The following EDARADD variants were observed in gnomAD, a reference collection of about 807,000 sequenced individuals.
EDARADD encodes the protein ectodysplasin-A receptor-associated adapter protein.
A neutral mutation model predicts 25.6 loss-of-function variants in EDARADD; 20 were observed. The ratio of observed to expected loss-of-function variants is 0.78; its 90% CI spans 0.55 to 1.14. The LOEUF (loss-of-function observed/expected upper bound fraction) is 1.14. Ranked by LOEUF, EDARADD falls within the 50% of genes most tolerant of loss-of-function variation. The pLI, the probability that EDARADD is intolerant of heterozygous loss-of-function variation, is 0.00. For synonymous variants in EDARADD, 86 were observed against 94.4 expected (o/e 0.91, Z 0.52); for missense variants, 225 against 270.1 (o/e 0.83, Z 1.17).
upstream of EDARADD, among the ~76,000 whole-genome samples, chr1:236,392,215 C>T (rs75556388): frequency 9.7e-3 from 1,470 of 152,024 alleles, 10 homozygotes; most frequent in Middle Eastern, 0.021. Context: ...TGGTTGACTT[C>T]TTATAACTAA....
intron 3 of EDARADD, among the ~76,000 whole-genome samples, chr1:236,361,957 T>C (rs1031141982): frequency 1.3e-5 from 2 of 152,070 alleles, no homozygotes; most frequent in Admixed American, 1.3e-4. Context: ...ATGGTAGACG[T>C]ATGTTTAACA....
chr1:236,455,821 G>C (rs541636187), intron 4 of EDARADD, among the ~76,000 whole-genome samples: 1 of 152,130 alleles, frequency 6.6e-6, no homozygotes, highest in Non-Finnish European at 1.5e-5. Flanking sequence ...ACGGAGTCTC[G>C]CTCTGTCACC....
At chr1:236,429,615 C>T (rs532619434) in intron 4 of EDARADD, among the ~76,000 whole-genome samples, 10 of 151,386 alleles carry the variant, frequency 6.6e-5, no homozygotes, top group Non-Finnish European at 1.2e-4. Context: ...GAACTCTTGG[C>T]CTCAAGTGAT....
intron 3 of EDARADD, among the ~76,000 whole-genome samples, chr1:236,387,131 G>A (rs1276198961): frequency 4.1e-5 from 1 of 24,228 alleles, no homozygotes; most frequent in African/African-American, 1.1e-4. Context: ...CAGCCGCCCC[G>A]TCCGGGAGGG....
intron 4 of EDARADD, among the ~76,000 whole-genome samples, chr1:236,442,106 G>T (rs77617937): frequency 2.5e-4 from 38 of 151,710 alleles, no homozygotes; most frequent in African/African-American, 9.2e-4. Context: ...GGAAGAAGAC[G>T]CCATCTAGGA....
intron 4 of EDARADD, among the ~76,000 whole-genome samples, chr1:236,459,296 A>ATT (rs1234616706): frequency 3.9e-5 from 6 of 152,132 alleles, no homozygotes; most frequent in African/African-American, 1.4e-4. Flanking sequence ...CTCCTGTAAA[A>ATT]TACTCTGTGA....
intron 3 of EDARADD, among the ~76,000 whole-genome samples, chr1:236,366,741 C>CTCTT (rs146073425): frequency 0.11 from 16,074 of 144,196 alleles, 1,444 homozygotes; most frequent in African/African-American, 0.24. Flanking sequence ...TCATCTCTCT[C>CTCTT]TTTTTTTTGT....
intron 5 of EDARADD, among the ~76,000 whole-genome samples, chr1:236,481,558 T>C (rs1418814980): frequency 2.1e-5 from 3 of 143,946 alleles, no homozygotes; most frequent in Non-Finnish European, 4.5e-5. Flanking sequence ...AGTCTAGGAG[T>C]TCAAGACCAG....
rs11392801 is a variant in EDARADD, at chr1:236,433,890, C to CAA, written c.219+6447_219+6448dup. The stretch of plus-strand genomic sequence containing the variant: ...ATCTCAAAAATCAAAAACAAACAAA[C>CAA]AAAAAAAACAAAAAAAAAAACCCTG... On this transcript the variant is annotated intron_variant, in intron 4 of 5. Transcript: ENST00000334232. 6.3e-4 allele frequency among the ~76,000 whole-genome samples: 93 copies of CAA among 148,170 alleles called. 1 individual carries two copies. The highest frequency in any genetic ancestry group is 1.8e-3 in the African/African-American group (74 of 40,274).
At chr1:236,401,335 G>A (rs187229307) in intron 1 of EDARADD, among the ~76,000 whole-genome samples, 1 of 152,316 alleles carries the variant, frequency 6.6e-6, no homozygotes, top group Non-Finnish European at 1.5e-5. Context: ...TGCTTGGGAA[G>A]GCCAGGAAGT....
At chr1:236,372,385 G>A (rs1196936340) in intron 3 of EDARADD, among the ~76,000 whole-genome samples, 3 of 151,890 alleles carry the variant, frequency 2.0e-5, no homozygotes, top group African/African-American at 7.3e-5. Context: ...TTGATTTTTG[G>A]GTGTTAAATC....
At chr1:236,418,232 C>T (rs1372251868) in intron 3 of EDARADD, among the ~76,000 whole-genome samples, 1 of 151,662 alleles carries the variant, frequency 6.6e-6, no homozygotes, top group Non-Finnish European at 1.5e-5. Flanking sequence ...GGATTACAGG[C>T]GTGAGCCACC....
chr1:236,466,688 G>GCC (rs1659200340), intron 4 of EDARADD, among the ~76,000 whole-genome samples: 1 of 152,194 alleles, frequency 6.6e-6, no homozygotes, highest in South Asian at 2.1e-4. Flanking sequence ...GTGAAGGTAT[G>GCC]TACACTGCTG....
chr1:236,457,177 GT>G (rs1658892240), intron 4 of EDARADD, among the ~76,000 whole-genome samples: 1 of 152,138 alleles, frequency 6.6e-6, no homozygotes, highest in South Asian at 2.1e-4. Context: ...GCTTTGACTT[GT>G]TTCTGCTTTT....
chr1:236,465,689 C>T (rs1659167956), intron 4 of EDARADD, among the ~76,000 whole-genome samples: 1 of 152,126 alleles, frequency 6.6e-6, no homozygotes, highest in South Asian at 2.1e-4. Context: ...GTCATTTTAT[C>T]TTTGTCTATG....
chr1:236,369,138 C>T (rs1356932770), intron 3 of EDARADD, among the ~76,000 whole-genome samples: 2 of 152,100 alleles, frequency 1.3e-5, no homozygotes, highest in African/African-American at 2.4e-5. Flanking sequence ...TATTGTCAAT[C>T]CTCCAAATTT....
At position 236,357,040 on chromosome 1, in the gene EDARADD, C is replaced by T. The variant is rs190676016; in HGVS notation, c.-6+6201C>T. Reference sequence around the variant, plus strand: ...GGGAGATGGCAGTGAGCCAAGATTGCGCCACTGCACTCCAGCCTGGGCAAC... The same window carrying T: ...GGGAGATGGCAGTGAGCCAAGATTGTGCCACTGCACTCCAGCCTGGGCAAC... On this transcript the variant is annotated intron_variant, in intron 3 of 7. Coordinates refer to the EDARADD transcript ENST00000439430. 2.7e-4 allele frequency among the ~76,000 whole-genome samples: 41 copies of T among 151,494 alleles called. 1 individual carries two copies. Among genetic ancestry groups the T allele is most frequent in the South Asian group, 8.3e-4 (4 of 4,816 alleles).
intron 4 of EDARADD, among the ~76,000 whole-genome samples, chr1:236,448,543 A>G (rs551995241): frequency 2.0e-5 from 3 of 152,344 alleles, no homozygotes; most frequent in East Asian, 1.9e-4. Context: ...CATTTCTAAT[A>G]TATTAACTCC....
At chr1:236,414,875 GA>G (rs1207454142) in intron 3 of EDARADD, among the ~76,000 whole-genome samples, 4 of 151,132 alleles carry the variant, frequency 2.6e-5, no homozygotes, top group South Asian at 2.1e-4. Flanking sequence ...TCAAAAAAAA[GA>G]AAAAAAAAGT....
Sources: gnomAD v4.1 joint callset for allele counts (sites outside exome capture counted in the v4.1 genomes callset) on GRCh38, gnomAD v4.1.1 for gene constraint, MANE v1.5 for transcripts, NCBI Gene and HGNC (gene_info 2026-07-23, HGNC 2026-07-21) for gene names.